PRKAR2B: variants seen among roughly 807,000 people sequenced by gnomAD.
The protein encoded by PRKAR2B is protein kinase cAMP-dependent type II regulatory subunit beta, also known as cAMP-dependent protein kinase type II-beta regulatory subunit.
In PRKAR2B, 14 loss-of-function variants were observed where a neutral mutation model predicts 49.9. The observed-to-expected ratio is 0.28, with a 90% CI of 0.19 to 0.44. The LOEUF (loss-of-function observed/expected upper bound fraction) is 0.44. PRKAR2B is among the 20% of genes least tolerant of loss of function. The pLI is 1.00. For missense variants in PRKAR2B, 393 were observed against 537.9 expected (o/e 0.73, Z 2.67); for synonymous variants, 196 against 197.7 (o/e 0.99, Z 0.07).
intron 2 of PRKAR2B, among the ~76,000 whole-genome samples, chr7:107,104,681 A>G (rs1228255077): frequency 1.3e-5 from 2 of 152,146 alleles, no homozygotes; most frequent in African/African-American, 4.8e-5. Context: ...TATCCCTAAA[A>G]CCTTGAGGGA....
At chr7:107,050,473 G>A (rs558101019) in intron 1 of PRKAR2B, among the ~76,000 whole-genome samples, 40 of 150,564 alleles carry the variant, frequency 2.7e-4, no homozygotes, top group Non-Finnish European at 4.4e-4. Context: ...ATTTCCAGCC[G>A]TCAAGATTTT....
At chr7:107,118,183 T>C (rs1304511914) in intron 2 of PRKAR2B, among the ~76,000 whole-genome samples, 2 of 152,164 alleles carry the variant, frequency 1.3e-5, no homozygotes, top group Non-Finnish European at 2.9e-5. Context: ...TACAGAAATA[T>C]TTACTGACCT....
At chr7:107,096,908 C>G (rs1794849949) in intron 2 of PRKAR2B, among the ~76,000 whole-genome samples, 1 of 152,170 alleles carries the variant, frequency 6.6e-6, no homozygotes, top group Non-Finnish European at 1.5e-5. Context: ...TTTACACTTG[C>G]TGAGGGGTGC....
chr7:107,108,483 G>T (rs1454992451), intron 2 of PRKAR2B, among the ~76,000 whole-genome samples: 2 of 152,164 alleles, frequency 1.3e-5, no homozygotes, highest in African/African-American at 4.8e-5. Flanking sequence ...CAAATGATAG[G>T]GGATAATGAA....
At chr7:107,108,062 A>G (rs1584432769) in intron 2 of PRKAR2B, among the ~76,000 whole-genome samples, 1 of 152,162 alleles carries the variant, frequency 6.6e-6, no homozygotes, top group Non-Finnish European at 1.5e-5. Context: ...GCTGAAAATG[A>G]TCAGTATGAC....
chr7:107,101,514 C>A (rs1794965558), intron 2 of PRKAR2B, among the ~76,000 whole-genome samples: 1 of 152,230 alleles, frequency 6.6e-6, no homozygotes, highest in South Asian at 2.1e-4. Flanking sequence ...TCCAGGCAGC[C>A]ACGGATGCTT....
chr7:107,049,052 A>G (rs1562839149), intron 1 of PRKAR2B, among the ~76,000 whole-genome samples: 3 of 152,352 alleles, frequency 2.0e-5, no homozygotes, highest in South Asian at 2.1e-4. Context: ...ATTTCTTAGA[A>G]GGTTTACGGT....
chr7:107,073,954 C>T (rs542156395), intron 2 of PRKAR2B, among the ~76,000 whole-genome samples: 18 of 151,878 alleles, frequency 1.2e-4, no homozygotes, highest in African/African-American at 3.1e-4. Context: ...CCCAGTTACT[C>T]GGGAGGCTGA....
At chr7:107,138,012 C>T (rs1485141472) in intron 4 of PRKAR2B, among the ~76,000 whole-genome samples, 1 of 151,982 alleles carries the variant, frequency 6.6e-6, no homozygotes, top group African/African-American at 2.4e-5. Context: ...CTAGAAAATT[C>T]ATCCTGTATT....
At chr7:107,095,357 C>G (rs563855424) in intron 2 of PRKAR2B, among the ~76,000 whole-genome samples, 1 of 152,198 alleles carries the variant, frequency 6.6e-6, no homozygotes, top group Admixed American at 6.5e-5. Context: ...GATTTTGTAT[C>G]CTGAGAGTTT....
chr7:107,106,156 TCTC>T (rs1795068666), intron 2 of PRKAR2B, among the ~76,000 whole-genome samples: 1 of 152,186 alleles, frequency 6.6e-6, no homozygotes, highest in Non-Finnish European at 1.5e-5. Flanking sequence ...ATTTTATTCT[TCTC>T]CTGAGTTACT....
chr7:107,061,078 C>T (rs1001019755), intron 1 of PRKAR2B, among the ~76,000 whole-genome samples: 1 of 151,924 alleles, frequency 6.6e-6, no homozygotes, highest in African/African-American at 2.4e-5. Context: ...GTACTTCAAG[C>T]TTCTGTTCTG....
intron 2 of PRKAR2B, among the ~76,000 whole-genome samples, chr7:107,115,539 G>A (rs1236769146): frequency 6.6e-6 from 1 of 152,172 alleles, no homozygotes; most frequent in Non-Finnish European, 1.5e-5. Flanking sequence ...TAATGGTTCT[G>A]TTCAGAGTTT....
intron 2 of PRKAR2B, among the ~76,000 whole-genome samples, chr7:107,112,175 A>T (rs1034658653): frequency 5.8e-5 from 6 of 102,790 alleles, no homozygotes; most frequent in Non-Finnish European, 5.3e-5. Context: ...CTGTGTCTCT[A>T]AAAAAAAAAA....
chr7:107,102,174 T>G (rs557071334), intron 2 of PRKAR2B, among the ~76,000 whole-genome samples: 1 of 152,248 alleles, frequency 6.6e-6, no homozygotes, highest in South Asian at 2.1e-4. Flanking sequence ...ACCACTGCAC[T>G]CCAGCCTGGG....
chr7:107,084,807 A>T (rs1470962691), intron 2 of PRKAR2B, among the ~76,000 whole-genome samples: 1 of 151,422 alleles, frequency 6.6e-6, no homozygotes, highest in African/African-American at 2.4e-5. Flanking sequence ...GTATTTTGTT[A>T]GCAGAGACGG....
chr7:107,068,628 G>A (rs1794200494), intron 1 of PRKAR2B: 3 of 152,050 alleles, frequency 2.0e-5, no homozygotes, highest in Non-Finnish European at 4.4e-5. Flanking sequence ...ATGTCTTTCA[G>A]TCACTTTGGA....
intron 1 of PRKAR2B, among the ~76,000 whole-genome samples, chr7:107,059,974 G>A (rs1304013050): frequency 2.0e-5 from 3 of 152,112 alleles, no homozygotes; most frequent in Non-Finnish European, 4.4e-5. Context: ...CGAGAACCCA[G>A]CCATCTTCTA....
At chr7:107,074,072 T>A (rs1179061378) in intron 2 of PRKAR2B, among the ~76,000 whole-genome samples, 3 of 151,698 alleles carry the variant, frequency 2.0e-5, no homozygotes, top group Non-Finnish European at 4.4e-5. Context: ...AAAAATAAAA[T>A]AAAATAAAAT....
Sources: allele counts gnomAD v4.1 joint callset (sites outside exome capture counted in the v4.1 genomes callset), GRCh38; gene constraint gnomAD v4.1.1; transcripts MANE v1.5; gene names NCBI Gene and HGNC (gene_info 2026-07-23, HGNC 2026-07-21).